The following CASD1 variants were observed in gnomAD, a reference collection of about 807,000 sequenced individuals.
The protein encoded by CASD1 is CAS1 domain sialic acid O acetyltransferase 1.
CASD1 carries 41 observed loss-of-function variants against 100.0 expected under a neutral mutation model. The ratio of observed to expected loss-of-function variants is 0.41; its 90% confidence interval spans 0.32 to 0.53. CASD1 has a LOEUF of 0.53. Ranked by LOEUF, CASD1 falls within the 20% of genes least tolerant of loss-of-function variation. The pLI is 0.25. For missense variants in CASD1, 774 were observed against 948.7 expected (o/e 0.82, Z 2.42); for synonymous variants, 321 against 315.6 (o/e 1.02, Z -0.18).
chr7:94,560,555 A>G (rs1796323150), downstream of CASD1, among the ~76,000 whole-genome samples: 1 of 152,222 alleles, frequency 6.6e-6, no homozygotes, highest in African/African-American at 2.4e-5. Context: ...TAACGGGAGA[A>G]GTGGGATTTG....
At chr7:94,561,732 T>G (rs1239990249), downstream of CASD1, among the ~76,000 whole-genome samples, 1 of 152,162 alleles carries the variant, frequency 6.6e-6, no homozygotes, top group East Asian at 1.9e-4. Context: ...AAGACAGTTT[T>G]TCTTAGAACC....
At chr7:94,628,302 C>T in the CASD1 span, 12 of 1,611,536 alleles carry the variant, frequency 7.4e-6, no homozygotes, top group South Asian at 4.4e-5. Context: ...CCATCCAGGT[C>T]GGTCTGGGTA....
the CASD1 span, among the ~76,000 whole-genome samples, chr7:94,605,237 G>A: frequency 6.6e-6 from 1 of 151,962 alleles, no homozygotes; most frequent in Non-Finnish European, 1.5e-5. Flanking sequence ...AATATGCAGA[G>A]GGCTCTAATG....
At chr7:94,563,683 G>T in the CASD1 span, among the ~76,000 whole-genome samples, 1 of 125,260 alleles carries the variant, frequency 8.0e-6, no homozygotes, top group Non-Finnish European at 1.7e-5. Flanking sequence ...CCTCCCCCAC[G>T]CCCCCGCTGA....
chr7:94,567,077 GCTAA>G, the CASD1 span, among the ~76,000 whole-genome samples: 1 of 151,438 alleles, frequency 6.6e-6, no homozygotes, highest in African/African-American at 2.4e-5. Flanking sequence ...CATTTATTCT[GCTAA>G]CTGTGATGTT....
In CASD1 at chr7:94,551,117, T is replaced by C. The variant is rs146867285; in HGVS notation, c.1816-221T>C. Among the ~76,000 whole-genome samples the C allele has an allele frequency of 1.3e-4, 20 of 152,292 alleles. No individual in the cohort carries two copies. The East Asian group carries it at 3.7e-3, about 28-fold the overall frequency. ...CAGAATCAACCAGTGTTATCTCATA[T>C]TGTTCCAAGAGATGCTTGCTTGTCT... On this transcript the variant is annotated intron_variant, in intron 14 of 17. Transcript: ENST00000297273.
the CASD1 span, chr7:94,599,196 G>C: frequency 2.1e-6 from 1 of 466,770 alleles, no homozygotes; most frequent in Non-Finnish European, 3.8e-6. Flanking sequence ...ATTAAACTAA[G>C]CTATGAAGCA....
chr7:94,634,170 G>A, the CASD1 span, among the ~76,000 whole-genome samples: 1 of 152,070 alleles, frequency 6.6e-6, no homozygotes, highest in South Asian at 2.1e-4. Context: ...ACTTTAAAAT[G>A]TCCATTTATA....
At chr7:94,564,934 G>C in the CASD1 span, among the ~76,000 whole-genome samples, 3 of 152,102 alleles carry the variant, frequency 2.0e-5, no homozygotes, top group Admixed American at 2.0e-4. Flanking sequence ...ATGGGTTCCA[G>C]ATCTGAACAT....
chr7:94,617,177 T>C, the CASD1 span: 1 of 152,304 alleles, frequency 6.6e-6, no homozygotes, highest in African/African-American at 2.4e-5. Flanking sequence ...CAGGAACCTA[T>C]CTATATTTTT....
At chr7:94,558,795 T>TTTAA (rs569999823), downstream of CASD1, among the ~76,000 whole-genome samples, 272 of 152,244 alleles carry the variant, frequency 1.8e-3, no homozygotes, top group Non-Finnish European at 3.3e-3. Context: ...TCTTATTTTA[T>TTTAA]TTAATTAATT....
At chr7:94,542,198 G>A (rs1187218000) in intron 10 of CASD1, among the ~76,000 whole-genome samples, 1 of 152,126 alleles carries the variant, frequency 6.6e-6, no homozygotes, top group Non-Finnish European at 1.5e-5. Flanking sequence ...GATTAACCTA[G>A]GTTCGACATC....
At chr7:94,555,404 T>C (rs777040218) in intron 17 of CASD1, 88 bp from the exon 18 acceptor site, 63 of 1,316,710 alleles carry the variant, frequency 4.8e-5, no homozygotes, top group Non-Finnish European at 6.1e-5. Flanking sequence ...CTAATGTTAT[T>C]ATGCAACCAA....
Position 94,518,173 on chromosome 7 carries a change from T to C in CASD1, c.231-30T>C, listed in dbSNP as rs369060492. ...ATGCCAGGATGGCTGATTTTACTTA[T>C]TTTAATTAATTTTTCTTTGTTGCTT... is the stretch of plus-strand genomic sequence containing the variant. On this transcript the variant is annotated intron_variant, in intron 2 of 17. Transcript: ENST00000297273. 1.6e-5 allele frequency: 23 copies of C among 1,473,988 alleles called. No homozygotes were observed. In the African/African-American group the frequency reaches 1.8e-4, roughly 11 times the overall value. The allele number at this position is 1,473,988 out of a possible 1,614,324, so 91.3% of individuals were successfully genotyped here. A position where few individuals can be genotyped will look rare whatever the true frequency, so the allele number is the denominator to read the frequency against.
intron 13 of CASD1, among the ~76,000 whole-genome samples, chr7:94,549,304 A>G (rs1795831603): frequency 6.6e-6 from 1 of 151,976 alleles, no homozygotes; most frequent in South Asian, 2.1e-4. Flanking sequence ...CCAAGTTTTA[A>G]GTCATCTTTT....
At chr7:94,542,587 G>A (rs1297759178) in intron 10 of CASD1, among the ~76,000 whole-genome samples, 1 of 152,058 alleles carries the variant, frequency 6.6e-6, no homozygotes, top group African/African-American at 2.4e-5. Context: ...GTTGGATAGC[G>A]CTGCTCTAGA....
the CASD1 span, among the ~76,000 whole-genome samples, chr7:94,577,400 T>A: frequency 3.9e-5 from 6 of 152,328 alleles, no homozygotes; most frequent in South Asian, 1.2e-3. Context: ...GTTATCTTAG[T>A]GGTCAGCTAA....
chr7:94,510,170 C>A lies in CASD1; in HGVS notation c.86C>A (p.Ala29Asp). The A allele has an allele frequency of 6.6e-7, 1 of 1,523,772 alleles. No individual in the cohort carries two copies. The highest frequency in any genetic ancestry group is 8.8e-7 in the Non-Finnish European group (1 of 1,134,530). The allele number at this position is 1,523,772 out of a possible 1,614,324, so 94.4% of individuals were successfully genotyped here. Residue 29 changes from alanine to aspartate, a missense_variant, in exon 1 of 18, where the codon GCC becomes GAC. Ala to Asp is a moderately radical substitution (Grantham distance 126, BLOSUM62 -2). Transcript: ENST00000297273. ...AGCGCCAAGGTGCTGGCGCTGGTGG[C>A]CGTGCTGCTGCTCGCAGCGTGCCAC... is the stretch of plus-strand genomic sequence containing the variant. ...VRSAKVLALV[A>D]VLLLAACHLA...
the CASD1 span, chr7:94,588,133 T>G: frequency 8.7e-7 from 1 of 1,147,592 alleles, no homozygotes; most frequent in African/African-American, 1.6e-5. Flanking sequence ...TTAGGGACAC[T>G]TGAAAGAAAT....
Sources: allele counts gnomAD v4.1 joint callset (sites outside exome capture counted in the v4.1 genomes callset), GRCh38; gene constraint gnomAD v4.1.1; transcripts MANE v1.5; gene names NCBI Gene and HGNC (gene_info 2026-07-23, HGNC 2026-07-21).